Variants in ADK observed in about 807,000 individuals in gnomAD.
ADK encodes the protein adenosine kinase, also known as N6,N6-dimethyladenosine kinase.
Under a neutral mutation model 44.7 loss-of-function variants are expected in ADK, and 24 were observed. The observed-to-expected ratio is 0.54, with a 90% CI of 0.39 to 0.76. ADK has a LOEUF of 0.76. Among genes scored for constraint, ADK ranks in the 30% least tolerant of loss-of-function variants. The pLI, the probability that ADK is intolerant of heterozygous loss-of-function variation, is 0.00. For missense variants in ADK, 321 were observed against 425.1 expected (o/e 0.76, Z 2.15); for synonymous variants, 128 against 142.6 (o/e 0.90, Z 0.73).
intron 1 of ADK, among the ~76,000 whole-genome samples, chr10:74,158,151 G>A (rs1447802830): frequency 6.6e-6 from 1 of 152,092 alleles, no homozygotes; most frequent in East Asian, 1.9e-4. Flanking sequence ...AAATTTAATA[G>A]TGGGCATCTT....
At chr10:74,299,910 G>A (rs1163425329) in intron 3 of ADK, among the ~76,000 whole-genome samples, 1 of 152,120 alleles carries the variant, frequency 6.6e-6, no homozygotes, top group Non-Finnish European at 1.5e-5. Context: ...TACTGCAGTT[G>A]TTTGAGCTTA....
At chr10:74,449,055 A>C (rs1845683212) in intron 6 of ADK, among the ~76,000 whole-genome samples, 1 of 152,200 alleles carries the variant, frequency 6.6e-6, no homozygotes, top group Non-Finnish European at 1.5e-5. Context: ...ATCGATTTTG[A>C]GGAATTGGCC....
At chr10:74,678,406 G>A (rs1855485618) in intron 10 of ADK, among the ~76,000 whole-genome samples, 1 of 152,164 alleles carries the variant, frequency 6.6e-6, no homozygotes, top group Non-Finnish European at 1.5e-5. Flanking sequence ...TAAAAAAAGA[G>A]AGAGAGAAAT....
intron 3 of ADK, among the ~76,000 whole-genome samples, chr10:74,269,321 A>G (rs1846337983): frequency 6.6e-6 from 1 of 152,232 alleles, no homozygotes; most frequent in Admixed American, 6.5e-5. Flanking sequence ...AATAGAACTA[A>G]TCATTTCCTT....
intron 2 of ADK, among the ~76,000 whole-genome samples, chr10:74,201,843 T>G (rs1324831894): frequency 1.3e-5 from 2 of 152,036 alleles, no homozygotes; most frequent in Non-Finnish European, 2.9e-5. Flanking sequence ...TAAAAAAGAT[T>G]AATGATGAGA....
intron 3 of ADK, among the ~76,000 whole-genome samples, chr10:74,312,290 T>G (rs1383461188): frequency 6.6e-6 from 1 of 151,146 alleles, no homozygotes; most frequent in Non-Finnish European, 1.5e-5. Flanking sequence ...CACTTGTAGA[T>G]AGAGTGTGTG....
At chr10:74,544,180 T>C (rs921447210) in intron 7 of ADK, among the ~76,000 whole-genome samples, 1 of 152,236 alleles carries the variant, frequency 6.6e-6, no homozygotes, top group Non-Finnish European at 1.5e-5. Flanking sequence ...CACTAGAATG[T>C]GTTCCTTTAC....
At chr10:74,501,697 A>G (rs1847890177) in intron 6 of ADK, among the ~76,000 whole-genome samples, 1 of 152,208 alleles carries the variant, frequency 6.6e-6, no homozygotes, top group African/African-American at 2.4e-5. Context: ...GTACTGATGC[A>G]TGATAGAATG....
chr10:74,232,502 A>G (rs927504300), intron 3 of ADK, among the ~76,000 whole-genome samples: 1 of 150,832 alleles, frequency 6.6e-6, no homozygotes, highest in Non-Finnish European at 1.5e-5. Flanking sequence ...AGCCTGGGCA[A>G]TAGAGTGAGA....
At chr10:74,482,841 A>T (rs561638294) in intron 6 of ADK, among the ~76,000 whole-genome samples, 5 of 152,362 alleles carry the variant, frequency 3.3e-5, no homozygotes, top group Admixed American at 3.3e-4. Context: ...TGATGCAACG[A>T]GTAGGCTCCC....
chr10:74,569,460 A>T (rs1292791539), intron 7 of ADK, among the ~76,000 whole-genome samples: 3 of 152,122 alleles, frequency 2.0e-5, no homozygotes, highest in Non-Finnish European at 2.9e-5. Context: ...CTTTTTAATG[A>T]TCGCCATTCT....
intron 6 of ADK, among the ~76,000 whole-genome samples, chr10:74,455,996 C>T (rs571592123): frequency 5.9e-5 from 9 of 151,954 alleles, no homozygotes; most frequent in African/African-American, 1.9e-4. Context: ...TTGTTCTTCT[C>T]GATATGTATG....
At chr10:74,417,231 A>G (rs1844405181) in intron 6 of ADK, among the ~76,000 whole-genome samples, 1 of 152,190 alleles carries the variant, frequency 6.6e-6, no homozygotes, top group Non-Finnish European at 1.5e-5. Context: ...AGCAATAAGC[A>G]GAATTATTTA....
Position 74,265,864 on chromosome 10 carries a change from A to T in ADK, c.194+41273A>T, listed in dbSNP as rs374235478. On this transcript the variant is annotated intron_variant, in intron 3 of 10. Transcript: ENST00000539909. The stretch of plus-strand genomic sequence containing the variant: ...TTAGATTTGCAGTACCTGTTCAATT[A>T]TCTGAGATTTAGGGGATCTAGGGCA... Among the ~76,000 whole-genome samples, 35 of 152,318 alleles carry T rather than the reference A, an allele frequency of 2.3e-4. 1 individual carries two copies. The highest frequency in any genetic ancestry group is 6.8e-3 in the Middle Eastern group (2 of 294).
At chr10:74,331,240 C>T (rs1441840528) in intron 4 of ADK, among the ~76,000 whole-genome samples, 1 of 152,012 alleles carries the variant, frequency 6.6e-6, no homozygotes, top group African/African-American at 2.4e-5. Flanking sequence ...TTATATACCA[C>T]AATGTGTTTT....
chr10:74,312,913 C>CAAAAAAAA (rs1469398498), intron 3 of ADK, among the ~76,000 whole-genome samples: 5 of 758 alleles, frequency 6.6e-3, no homozygotes, highest in Non-Finnish European at 0.01. Flanking sequence ...GATTCTGTCT[C>CAAAAAAAA]CAAAAAAAAA....
intron 3 of ADK, among the ~76,000 whole-genome samples, chr10:74,274,460 G>T (rs1048090432): frequency 6.6e-6 from 1 of 151,754 alleles, no homozygotes; most frequent in Non-Finnish European, 1.5e-5. Flanking sequence ...TACTCAGGAG[G>T]CTGAGGCGGG....
At chr10:74,176,823 C>T in intron 1 of ADK, 1 of 1,604,176 alleles carries the variant, frequency 6.2e-7, no homozygotes. Flanking sequence ...CCCGAGCGGA[C>T]GTAGAGCATC....
At chr10:74,248,544 C>T (rs535383160) in intron 3 of ADK, among the ~76,000 whole-genome samples, 6 of 151,994 alleles carry the variant, frequency 3.9e-5, no homozygotes, top group Non-Finnish European at 7.4e-5. Flanking sequence ...TTAGTAGAGA[C>T]GGGGTTTCAT....
Sources: allele counts gnomAD v4.1 joint callset (sites outside exome capture counted in the v4.1 genomes callset), GRCh38; gene constraint gnomAD v4.1.1; transcripts MANE v1.5; gene names NCBI Gene and HGNC (gene_info 2026-07-23, HGNC 2026-07-21).